Variants in GARNL3 observed in about 807,000 individuals in gnomAD.
The protein encoded by GARNL3 is GTPase activating Rap/RanGAP domain like 3, also known as GTPase-activating Rap/Ran-GAP domain-like protein 3.
A neutral mutation model predicts 125.0 loss-of-function variants in GARNL3; 63 were observed. That is an observed-to-expected ratio of 0.50 (90% confidence interval 0.41 to 0.62). The LOEUF is 0.62. Among genes scored for constraint, GARNL3 ranks in the 20% least tolerant of loss-of-function variants. GARNL3 has a pLI of 0.00. For missense variants in GARNL3, 994 were observed against 1,244.0 expected (o/e 0.80, Z 3.02); for synonymous variants, 439 against 457.5 (o/e 0.96, Z 0.52).
intron 1 of GARNL3, among the ~76,000 whole-genome samples, chr9:127,276,208 G>C (rs553687684): frequency 1.3e-5 from 2 of 151,422 alleles, no homozygotes; most frequent in African/African-American, 4.9e-5. Flanking sequence ...GGCTGATCTC[G>C]GACTCCTGGT....
chr9:127,235,944 C>T (rs2063105241), intron 1 of GARNL3, among the ~76,000 whole-genome samples: 1 of 151,952 alleles, frequency 6.6e-6, no homozygotes, highest in Non-Finnish European at 1.5e-5. Context: ...TTTTTTAGCT[C>T]TTGTTTTATA....
At chr9:127,240,999 G>A (rs1344192715) in intron 1 of GARNL3, among the ~76,000 whole-genome samples, 3 of 152,170 alleles carry the variant, frequency 2.0e-5, no homozygotes, top group Non-Finnish European at 2.9e-5. Flanking sequence ...GAGATGTTTT[G>A]AATTCATTTT....
chr9:127,287,780 C>T (rs535876840), intron 1 of GARNL3, among the ~76,000 whole-genome samples: 121 of 152,328 alleles, frequency 7.9e-4, no homozygotes, highest in Admixed American at 3.0e-3. Flanking sequence ...ACTGCCCAAC[C>T]GACTTTCCCC....
At position 127,234,152 on chromosome 9, in the gene GARNL3, G is replaced by A. The variant is rs76414349; in HGVS notation, c.-28-8927G>A. Among the ~76,000 whole-genome samples, 862 of 152,282 alleles carry A rather than the reference G, an allele frequency of 5.7e-3. 23 individuals are homozygous for A. In the East Asian group the frequency reaches 0.087, roughly 15 times the overall value. On this transcript the variant is annotated intron_variant, in intron 1 of 10. Coordinates refer to the GARNL3 transcript ENST00000439286. ...ACATAATGGGCTCTTAGAGCCAGCA[G>A]AAGAAAATTAATTTTCATATTATGT...
intron 2 of GARNL3, among the ~76,000 whole-genome samples, chr9:127,304,092 G>T (rs2064878058): frequency 6.6e-6 from 1 of 152,184 alleles, no homozygotes; most frequent in African/African-American, 2.4e-5. Flanking sequence ...CAGTTATCTG[G>T]AAAGTGTACT....
chr9:127,294,450 T>A (rs748335072), intron 2 of GARNL3, among the ~76,000 whole-genome samples: 2 of 152,118 alleles, frequency 1.3e-5, no homozygotes, highest in Non-Finnish European at 2.9e-5. Flanking sequence ...ATTACAGGTG[T>A]GAGCCACCAT....
At chr9:127,307,453 A>C (rs1232408642) in intron 2 of GARNL3, among the ~76,000 whole-genome samples, 2 of 152,242 alleles carry the variant, frequency 1.3e-5, no homozygotes, top group Non-Finnish European at 1.5e-5. Context: ...ATGACAGCTT[A>C]GGAGTTTACT....
chr9:127,335,781 A>C (rs957296103), intron 10 of GARNL3, among the ~76,000 whole-genome samples: 3 of 152,080 alleles, frequency 2.0e-5, no homozygotes, highest in African/African-American at 7.2e-5. Flanking sequence ...TCTCCAGGAC[A>C]TATCATAAGT....
chr9:127,304,920 C>T (rs1263462388), intron 2 of GARNL3, among the ~76,000 whole-genome samples: 1 of 152,192 alleles, frequency 6.6e-6, no homozygotes, highest in Non-Finnish European at 1.5e-5. Flanking sequence ...TTGTGGTATT[C>T]TTCCAGTGGA....
chr9:127,264,948 C>A lies in GARNL3; in HGVS notation c.71C>A (p.Ser24Tyr). The change falls in exon 1 of 28, where the codon TCC (serine) becomes TAC (tyrosine). Residue 24 changes from serine to tyrosine, a missense_variant. Around this residue, in one of 5 missense-constraint regions of GARNL3, gnomAD observed 37 missense variants for 34.2 expected, o/e 1.08. Coordinates refer to ENST00000373387, the MANE Select transcript of GARNL3 (RefSeq NM_032293.5). Reference protein sequence around the residue: ...LCIILMKHFCSSSVSEDLGCR... With the variant: ...LCIILMKHFCYSSVSEDLGCR... The stretch of plus-strand genomic sequence containing the variant: ...ATAATACTGATGAAGCATTTTTGTT[C>A]CAGCTCTGTCTCGGAAGACCTAGGC... 1 of 1,612,756 alleles carries A rather than the reference C, an allele frequency of 6.2e-7. No homozygotes were observed. The highest frequency in any genetic ancestry group is 8.5e-7 in the Non-Finnish European group (1 of 1,179,352).
At chr9:127,265,228 T>C (rs2063678353) in intron 1 of GARNL3, among the ~76,000 whole-genome samples, 1 of 152,240 alleles carries the variant, frequency 6.6e-6, no homozygotes, top group Non-Finnish European at 1.5e-5. Context: ...TTTTTAATCT[T>C]GTCTTCCAGT....
At chr9:127,253,628 C>T (rs1028201994) in intron 2 of GARNL3, among the ~76,000 whole-genome samples, 3 of 151,968 alleles carry the variant, frequency 2.0e-5, no homozygotes, top group African/African-American at 7.3e-5. Context: ...GGCAGCTCAG[C>T]AAATGAAAGG....
intron 2 of GARNL3, among the ~76,000 whole-genome samples, chr9:127,293,216 A>C (rs529698007): frequency 1.9e-4 from 29 of 152,244 alleles, no homozygotes; most frequent in Non-Finnish European, 4.0e-4. Flanking sequence ...TAGGTAAAGC[A>C]GTTAGTGCAG....
intron 1 of GARNL3, among the ~76,000 whole-genome samples, chr9:127,238,610 C>T (rs978455409): frequency 3.9e-5 from 6 of 152,218 alleles, no homozygotes; most frequent in African/African-American, 1.4e-4. Flanking sequence ...CCTACAGGTC[C>T]ACTGCCCCCA....
At chr9:127,355,058 G>A (rs918168171) in intron 19 of GARNL3, among the ~76,000 whole-genome samples, 1 of 152,208 alleles carries the variant, frequency 6.6e-6, no homozygotes, top group Non-Finnish European at 1.5e-5. Context: ...CTCTCTAAGT[G>A]CTGGGATTAT....
At chr9:127,281,921 T>C (rs1027545456) in intron 1 of GARNL3, among the ~76,000 whole-genome samples, 1 of 152,244 alleles carries the variant, frequency 6.6e-6, no homozygotes, top group African/African-American at 2.4e-5. Flanking sequence ...GCAGTTTAAA[T>C]AAACCAGCTT....
At chr9:127,225,834 G>GCGCCCCTTGCGCCCCTCT (rs1458271095) in intron 1 of GARNL3, among the ~76,000 whole-genome samples, 17 of 26,012 alleles carry the variant, frequency 6.5e-4, no homozygotes, top group Non-Finnish European at 1.3e-3. Flanking sequence ...TGCGCCCCTC[G>GCGCCCCTTGCGCCCCTCT]CGCCCCTTGC....
chr9:127,385,200 G>A lies in GARNL3; in HGVS notation c.2388+55G>A. 1 of 1,118,364 alleles carries A rather than the reference G, an allele frequency of 8.9e-7. No homozygotes were observed. Among genetic ancestry groups the A allele is most frequent in the South Asian group, 1.5e-5 (1 of 67,978 alleles). 69.3% of individuals were successfully genotyped at this position (1,118,364 alleles called of 1,614,324 possible). A position where few individuals can be genotyped will look rare whatever the true frequency, so the allele number is the denominator to read the frequency against. On this transcript the variant is annotated intron_variant, in intron 24 of 27. Coordinates refer to ENST00000373387, the MANE Select transcript of GARNL3 (RefSeq NM_032293.5). This position sits in a 1 kb window ranked among gnomAD's most constrained non-coding sequence, Gnocchi z 4.1. Reference sequence around the variant, plus strand: ...TGGTTTGGGGGACCCCGGCACTGTGGGATTTCAGGTGAGCACAGAAGCCGC... The same window carrying A: ...TGGTTTGGGGGACCCCGGCACTGTGAGATTTCAGGTGAGCACAGAAGCCGC...
intron 13 of GARNL3, among the ~76,000 whole-genome samples, chr9:127,340,841 C>T (rs1229405560): frequency 6.6e-6 from 1 of 152,008 alleles, no homozygotes; most frequent in East Asian, 1.9e-4. Context: ...CTTCCTGTCT[C>T]CCCAGTCACT....
Sources: gnomAD v4.1 joint callset for allele counts (sites outside exome capture counted in the v4.1 genomes callset) on GRCh38, gnomAD v4.1.1 for gene constraint, gnomAD v4.1.1 regional missense constraint, Gnocchi (gnomAD v3.1) non-coding constraint, MANE v1.5 for transcripts, NCBI Gene and HGNC (gene_info 2026-07-23, HGNC 2026-07-21) for gene names.